The following SNX29 variants were observed in gnomAD, a reference collection of about 807,000 sequenced individuals.
SNX29 encodes the protein sorting nexin 29.
A neutral mutation model predicts 102.1 loss-of-function variants in SNX29; 78 were observed. The observed-to-expected ratio is 0.76, with a 90% CI of 0.64 to 0.92. The LOEUF (loss-of-function observed/expected upper bound fraction) is 0.92, where lower values mean the gene tolerates loss of function less well. Among genes scored for constraint, SNX29 ranks in the 40% least tolerant of loss-of-function variants. The pLI is 0.00. For synonymous variants in SNX29, 580 were observed against 414.5 expected, an observed-to-expected ratio of 1.40 and a Z score of -4.85; for missense variants, 1,280 against 1,061.7, an observed-to-expected ratio of 1.21 and a Z score of -2.86.
At chr16:12,107,663 G>T (rs1466341440) in intron 11 of SNX29, among the ~76,000 whole-genome samples, 1 of 152,084 alleles carries the variant, frequency 6.6e-6, no homozygotes, top group Non-Finnish European at 1.5e-5. Flanking sequence ...ACAAAAAAAA[G>T]AGGAGTTGCT....
chr16:12,121,881 C>A (rs1182402827), intron 11 of SNX29, among the ~76,000 whole-genome samples: 1 of 152,176 alleles, frequency 6.6e-6, no homozygotes, highest in Non-Finnish European at 1.5e-5. Flanking sequence ...TCACTGCAAC[C>A]TCCACCTCCC....
intron 14 of SNX29, among the ~76,000 whole-genome samples, chr16:12,274,791 A>G (rs1373564271): frequency 6.6e-6 from 1 of 151,870 alleles, no homozygotes; most frequent in Non-Finnish European, 1.5e-5. Flanking sequence ...TTTTCTGGAA[A>G]TTTTGCTACC....
chr16:12,155,314 T>C (rs1389230275), intron 13 of SNX29, among the ~76,000 whole-genome samples: 1 of 152,118 alleles, frequency 6.6e-6, no homozygotes, highest in Non-Finnish European at 1.5e-5. Flanking sequence ...AAAAATCCTG[T>C]GTTAAGTCGG....
rs541620014 is a variant in SNX29 at position 12,572,491 on chromosome 16, C to G, written c.*3862C>G. 1.9e-6 allele frequency: 2 copies of G among 1,063,802 alleles called. No individual in the cohort carries two copies. The highest frequency in any genetic ancestry group is 1.1e-4 in the Admixed American group (2 of 18,682). 65.9% of individuals were successfully genotyped at this position (1,063,802 alleles called of 1,614,324 possible). ...CCCTGAGGACCAGTTCTTGGGGTTC[C>G]AGGCCTCGGCCTTCCTGCTCCACGT... On this transcript the variant is annotated 3_prime_UTR_variant, in exon 21 of 21. Coordinates refer to ENST00000566228, the MANE Select transcript of SNX29 (RefSeq NM_032167.5).
At chr16:12,544,179 G>C (rs185408294) in intron 20 of SNX29, among the ~76,000 whole-genome samples, 1 of 152,198 alleles carries the variant, frequency 6.6e-6, no homozygotes. Context: ...GGAATCGGTG[G>C]TGTGCACATC....
intron 19 of SNX29, among the ~76,000 whole-genome samples, chr16:12,513,625 T>A (rs914444756): frequency 6.6e-6 from 1 of 152,192 alleles, no homozygotes; most frequent in African/African-American, 2.4e-5. Flanking sequence ...GTTGCCCCGC[T>A]GATTGGCCCA....
chr16:12,268,822 C>T (rs1000776760), intron 14 of SNX29, among the ~76,000 whole-genome samples: 1 of 152,162 alleles, frequency 6.6e-6, no homozygotes, highest in Non-Finnish European at 1.5e-5. Flanking sequence ...TGCCATGCCG[C>T]TCTCCATGGT....
chr16:12,079,019 C>T, intron 11 of SNX29, 104 bp downstream of exon 11: 1 of 957,680 alleles, frequency 1.0e-6, no homozygotes, highest in Non-Finnish European at 1.6e-6. Context: ...GGGTTCACGT[C>T]AGGTGTGTAC....
chr16:12,538,005 T>G (rs1018410525), intron 20 of SNX29, among the ~76,000 whole-genome samples: 9 of 140,196 alleles, frequency 6.4e-5, no homozygotes, highest in Non-Finnish European at 1.2e-4. Context: ...AAAAAAAAAT[T>G]GTCTGCCATT....
intron 13 of SNX29, among the ~76,000 whole-genome samples, chr16:12,180,242 G>C (rs902683607): frequency 2.0e-5 from 3 of 151,856 alleles, no homozygotes; most frequent in Admixed American, 6.6e-5. Context: ...TTCTAGGTTG[G>C]TCTTCATTTC....
In SNX29 at chr16:12,569,082, A is replaced by G. The variant is rs931837461; in HGVS notation, c.*453A>G. ...CTATTAGCCTCTCCTTTTGCTTTTT[A>G]AGGTTATTACCTGGCCTAACCTAGG... On this transcript the variant is annotated 3_prime_UTR_variant, in exon 21 of 21. Coordinates refer to ENST00000566228, the MANE Select transcript of SNX29 (RefSeq NM_032167.5). 7 of 156,226 alleles carry G rather than the reference A, an allele frequency of 4.5e-5. No individual in the cohort carries two copies. The highest frequency in any genetic ancestry group is 1.8e-4 in the African/African-American group (6 of 32,748). The allele number at this position is 156,226 out of a possible 1,614,324, so 9.7% of individuals were successfully genotyped here.
chr16:12,452,534 A>T (rs2086352089), intron 18 of SNX29, among the ~76,000 whole-genome samples: 1 of 152,166 alleles, frequency 6.6e-6, no homozygotes, highest in Non-Finnish European at 1.5e-5. Flanking sequence ...TACAGCCTGG[A>T]GGCAGGATGG....
chr16:12,540,503 C>CA (rs2077282914), intron 20 of SNX29, among the ~76,000 whole-genome samples: 1 of 152,244 alleles, frequency 6.6e-6, no homozygotes, highest in African/African-American at 2.4e-5. Context: ...CTGGCGCCTT[C>CA]TCGAGGTTGT....
rs376192105 is a variant in SNX29 at position 12,357,661 on chromosome 16, C to T, written c.1899+1382C>T. On this transcript the variant is annotated intron_variant, in intron 16 of 20. Transcript: ENST00000566228. The stretch of plus-strand genomic sequence containing the variant: ...CTCTCCAGAACTTTTCCATCTTCCC[C>T]GACTGAAGCTGTCCCCTTTAAACAG... Among the ~76,000 whole-genome samples the T allele has an allele frequency of 1.1e-4, 16 of 152,320 alleles. No individual in the cohort carries two copies. The South Asian group carries it at 1.2e-3, about 12-fold the overall frequency.
chr16:12,486,422 TCTTCTTC>T (rs146256012), intron 19 of SNX29, among the ~76,000 whole-genome samples: 12,055 of 152,186 alleles, frequency 0.079, 779 homozygotes, highest in East Asian at 0.28. Flanking sequence ...ACCGTACACC[TCTTCTTC>T]CTTCTTCCTT....
intron 7 of SNX29, among the ~76,000 whole-genome samples, chr16:12,050,441 C>CT (rs1482681380): frequency 6.6e-6 from 1 of 152,192 alleles, no homozygotes; most frequent in African/African-American, 2.4e-5. Flanking sequence ...CAGTTCGTTA[C>CT]TTTTTTGTGT....
At chr16:12,543,760 C>T (rs1320337015) in intron 20 of SNX29, among the ~76,000 whole-genome samples, 1 of 152,136 alleles carries the variant, frequency 6.6e-6, no homozygotes, top group Non-Finnish European at 1.5e-5. Flanking sequence ...GGAGATTTTC[C>T]AAGTTTATTT....
chr16:12,444,435 C>G (rs2085955434), intron 18 of SNX29, among the ~76,000 whole-genome samples: 1 of 152,242 alleles, frequency 6.6e-6, no homozygotes, highest in Non-Finnish European at 1.5e-5. Flanking sequence ...CATGGTGGTT[C>G]CCTGAGCCTG....
Position 12,294,578 on chromosome 16 carries a change from C to T in SNX29, c.1782+16542C>T, listed in dbSNP as rs80253346. On this transcript the variant is annotated intron_variant, in intron 15 of 20. Transcript: ENST00000566228. ...CTGGATGGCTGTGGGCTCATGCTGC[C>T]GCCATCATGGTTCCCTGTTAGCTGG... is the stretch of plus-strand genomic sequence containing the variant. Among the ~76,000 whole-genome samples, 276 of 152,306 alleles carry T rather than the reference C, an allele frequency of 1.8e-3. 6 individuals are homozygous for T. The East Asian group carries it at 0.041, about 23-fold the overall frequency.
Sources: allele counts gnomAD v4.1 joint callset (sites outside exome capture counted in the v4.1 genomes callset), GRCh38; gene constraint gnomAD v4.1.1; transcripts MANE v1.5; gene names NCBI Gene and HGNC (gene_info 2026-07-23, HGNC 2026-07-21).